DHX40: variants seen among roughly 807,000 people sequenced by gnomAD.
DHX40 encodes the protein DEAH-box helicase 40, also known as probable ATP-dependent RNA helicase DHX40.
Under a neutral mutation model 89.6 loss-of-function variants are expected in DHX40, and 28 were observed. The ratio of observed to expected loss-of-function variants is 0.31; its 90% CI spans 0.23 to 0.43. The LOEUF (loss-of-function observed/expected upper bound fraction) is 0.43. Among genes scored for constraint, DHX40 ranks in the 20% least tolerant of loss-of-function variants. The pLI is 1.00. For missense variants in DHX40, 457 were observed against 844.0 expected, an observed-to-expected ratio of 0.54 and a Z score of 5.68; for synonymous variants, 226 against 283.6, an observed-to-expected ratio of 0.80 and a Z score of 2.04.
At chr17:59,570,715 T>G in intron 3 of DHX40, 52 bp downstream of exon 3, 1 of 1,550,568 alleles carries the variant, frequency 6.4e-7, no homozygotes. Flanking sequence ...GACAGGGTCT[T>G]GCTCTGTCGC....
At chr17:59,605,287 T>C (rs536691635) in intron 16 of DHX40, 103 bp downstream of exon 16, 1 of 1,276,510 alleles carries the variant, frequency 7.8e-7, no homozygotes, top group Non-Finnish European at 1.1e-6. Flanking sequence ...AATTTACATA[T>C]ATCTATATTA....
At chr17:59,566,911 T>A (rs775734489) in intron 2 of DHX40, 117 bp downstream of exon 2, 67 of 846,968 alleles carry the variant, frequency 7.9e-5, no homozygotes, top group Non-Finnish European at 1.0e-4. Context: ...CCCGCTTCTC[T>A]TGGCACACCC....
At chr17:59,595,067 T>C (rs2029935221) in intron 12 of DHX40, among the ~76,000 whole-genome samples, 1 of 148,848 alleles carries the variant, frequency 6.7e-6, no homozygotes, top group Non-Finnish European at 1.5e-5. Flanking sequence ...GGTCTACTTA[T>C]TTGTAGATTT....
intron 6 of DHX40, 139 bp from the exon 7 acceptor site, chr17:59,575,201 A>T: frequency 1.6e-6 from 1 of 613,304 alleles, no homozygotes; most frequent in Non-Finnish European, 2.6e-6. Flanking sequence ...GGTACAGCTT[A>T]TGTGTTCATC....
chr17:59,565,928 T>C, intron 1 of DHX40, 145 bp downstream of exon 1: 1 of 654,288 alleles, frequency 1.5e-6, no homozygotes, highest in Non-Finnish European at 2.3e-6. Context: ...CGAGGCGAAC[T>C]TTGCGTCCAA....
At chr17:59,600,531 T>C (rs1462895444) in intron 14 of DHX40, among the ~76,000 whole-genome samples, 1 of 152,102 alleles carries the variant, frequency 6.6e-6, no homozygotes, top group Non-Finnish European at 1.5e-5. Flanking sequence ...ATATATCTTA[T>C]TTTGGTAAAA....
intron 12 of DHX40, among the ~76,000 whole-genome samples, chr17:59,594,432 G>C (rs1179912346): frequency 2.0e-5 from 3 of 151,366 alleles, no homozygotes; most frequent in African/African-American, 7.3e-5. Flanking sequence ...AGTTGGAGAG[G>C]GTGGTGGTGG....
Position 59,599,468 on chromosome 17 carries a change from C to T in DHX40, c.1791C>T (p.Ile597=), listed in dbSNP as rs1028802927. The T allele has an allele frequency of 6.2e-7, 1 of 1,611,024 alleles. No individual in the cohort carries two copies. The highest frequency in any genetic ancestry group is 1.3e-5 in the African/African-American group (1 of 74,358). Residue 597 remains isoleucine, a synonymous_variant, in exon 14 of 18, where the codon ATC becomes ATT. Transcript: ENST00000251241. The part of the protein sequence containing the change: ...FRVEAQLREL[I]RKLKQQSDFP... ...TGGAAGCTCAACTTCGAGAACTAATCAGGAAGCTTAAACAGGTGATTGCCG... is the reference window on the plus strand; with the variant it reads ...TGGAAGCTCAACTTCGAGAACTAATTAGGAAGCTTAAACAGGTGATTGCCG...
intron 7 of DHX40, chr17:59,576,930 C>T (rs1440951235): frequency 3.6e-5 from 10 of 280,118 alleles, no homozygotes; most frequent in South Asian, 1.7e-4. Context: ...AGTGCAGTGG[C>T]GCGATCTTGG....
At chr17:59,574,590 T>C (rs2048855179) in intron 6 of DHX40, among the ~76,000 whole-genome samples, 1 of 150,508 alleles carries the variant, frequency 6.6e-6, no homozygotes, top group Non-Finnish European at 1.5e-5. Context: ...GTCAAAGACA[T>C]CAGGCTCATT....
chr17:59,602,138 G>A (rs1473293553), intron 14 of DHX40, among the ~76,000 whole-genome samples: 1 of 152,038 alleles, frequency 6.6e-6, no homozygotes, highest in African/African-American at 2.4e-5. Context: ...CTGAACTCTT[G>A]TCCTGTGAAT....
At chr17:59,570,179 TATATATA>T (rs1320691464) in intron 2 of DHX40, among the ~76,000 whole-genome samples, 187 of 123,974 alleles carry the variant, frequency 1.5e-3, no homozygotes, top group Middle Eastern at 7.5e-3. Flanking sequence ...TATATATTAA[TATATATA>T]ATATATAATA....
chr17:59,600,933 C>T (rs993698140), intron 14 of DHX40, among the ~76,000 whole-genome samples: 1 of 150,762 alleles, frequency 6.6e-6, no homozygotes, highest in Non-Finnish European at 1.5e-5. Flanking sequence ...TTGTGCAGCC[C>T]TTACCACTTC....
At chr17:59,586,521 C>T (rs1315829211) in intron 11 of DHX40, among the ~76,000 whole-genome samples, 3 of 151,732 alleles carry the variant, frequency 2.0e-5, no homozygotes, top group Non-Finnish European at 4.4e-5. Context: ...ACAAAATTAG[C>T]TGGGCGTGGT....
intron 3 of DHX40, among the ~76,000 whole-genome samples, chr17:59,572,877 C>T (rs1598141549): frequency 6.6e-6 from 1 of 152,180 alleles, no homozygotes; most frequent in African/African-American, 2.4e-5. Context: ...ATTGTATTTC[C>T]TTATTGGTGA....
chr17:59,606,598 T>G (rs190696619), intron 17 of DHX40, among the ~76,000 whole-genome samples: 108 of 152,036 alleles, frequency 7.1e-4, no homozygotes, highest in African/African-American at 2.5e-3. Context: ...TACAAAAAAC[T>G]AGCTGGGTGT....
intron 2 of DHX40, 81 bp from the exon 3 acceptor site, chr17:59,570,437 T>C: frequency 7.0e-7 from 1 of 1,437,672 alleles, no homozygotes; most frequent in Non-Finnish European, 9.3e-7. Flanking sequence ...CAGTTTTGTG[T>C]TGATTGGCCA....
At position 59,565,764 on chromosome 17, in the gene DHX40, T is replaced by A. The variant is rs1352371354; in HGVS notation, c.93T>A (p.Ala31=). 6.2e-7 allele frequency: 1 copy of A among 1,603,412 alleles called. No homozygotes were observed. The highest frequency in any genetic ancestry group is 8.5e-7 in the Non-Finnish European group (1 of 1,178,558). Residue 31 remains alanine (A), a synonymous_variant, in exon 1 of 18, where the codon GCT becomes GCA. Transcript: ENST00000251241. ...ACCTCCAGGAAGAGCGGCTCTCGGC[T>A]GTTTGCATCGCCGATAGAGGTGCGG... The part of the protein sequence containing the change: ...SRDLQEERLS[A]VCIADREEKG...
intron 12 of DHX40, among the ~76,000 whole-genome samples, chr17:59,591,357 A>G (rs1238126721): frequency 2.7e-5 from 4 of 150,740 alleles, no homozygotes; most frequent in African/African-American, 9.7e-5. Flanking sequence ...TTCAAAACCT[A>G]TTACAGAGTA....
Sources: allele counts gnomAD v4.1 joint callset (sites outside exome capture counted in the v4.1 genomes callset), GRCh38; gene constraint gnomAD v4.1.1; transcripts MANE v1.5; gene names NCBI Gene and HGNC (gene_info 2026-07-23, HGNC 2026-07-21).